The following TTC9C variants were observed in gnomAD, a reference collection of about 807,000 sequenced individuals.
The protein encoded by TTC9C is tetratricopeptide repeat domain 9C.
A neutral mutation model predicts 22.5 loss-of-function variants in TTC9C; 15 were observed. The observed-to-expected ratio is 0.67, with a 90% CI of 0.45 to 1.03. The LOEUF (loss-of-function observed/expected upper bound fraction) is 1.03, where lower values mean the gene tolerates loss of function less well. Ranked by LOEUF, TTC9C falls within the 50% of genes least tolerant of loss-of-function variation. The pLI, the probability that TTC9C is intolerant of heterozygous loss-of-function variation, is 0.00. For synonymous variants in TTC9C, 92 were observed against 86.8 expected, an observed-to-expected ratio of 1.06 and a Z score of -0.33; for missense variants, 244 against 214.6, an observed-to-expected ratio of 1.14 and a Z score of -0.86.
chr11:62,728,926 T>G lies in TTC9C; in HGVS notation c.78T>G (p.Asp26Glu). 1 of 1,614,128 alleles carries G rather than the reference T, an allele frequency of 6.2e-7. No homozygotes were observed. Among genetic ancestry groups the G allele is most frequent in the South Asian group, 1.1e-5 (1 of 91,074 alleles). Residue 26 changes from aspartate (D) to glutamate (E), a missense_variant, in exon 1 of 3, where the codon GAT (aspartate) becomes GAG (glutamate). Physicochemically the swap from Asp to Glu is conservative, Grantham distance 45. Coordinates refer to ENST00000316461, the MANE Select transcript of TTC9C (RefSeq NM_173810.4). Reference protein sequence around the residue: ...NQRYREGKYRDAVSRYHRALL... With the variant: ...NQRYREGKYREAVSRYHRALL... ...GCTACCGGGAAGGGAAGTACCGAGA[T>G]GCTGTGAGTAGGTACCATCGAGCTC...
Position 62,735,383 on chromosome 11 carries a change from T to A in TTC9C, c.240T>A (p.Ala80=). The change falls in exon 2 of 3, where the codon GCT becomes GCA. Residue 80 remains alanine, a splice_region_variant and synonymous_variant. Transcript: ENST00000316461. ...CTCTCTTTTCATTTGGCCCATTAGC[T>A]TGTCTCCTTCAGATGGAGCCCGTGA... ...TQTDCYNNLA[A]CLLQMEPVNY... is the part of the protein sequence containing the mutation. 1 of 1,613,954 alleles carries A rather than the reference T, an allele frequency of 6.2e-7. No individual in the cohort carries two copies. The highest frequency in any genetic ancestry group is 1.1e-5 in the South Asian group (1 of 91,074).
At chr11:62,736,584 C>T (rs1269259551) in intron 2 of TTC9C, among the ~76,000 whole-genome samples, 2 of 151,636 alleles carry the variant, frequency 1.3e-5, no homozygotes, top group Non-Finnish European at 1.5e-5. Context: ...GTCCCAGGTA[C>T]TCAGGAGGCT....
At position 62,732,453 on chromosome 11, in the gene TTC9C, CA is replaced by C. The variant is rs199839108; in HGVS notation, c.239-2922del. Among the ~76,000 whole-genome samples, 66 of 151,746 alleles carry C rather than the reference CA, an allele frequency of 4.3e-4. 1 individual carries two copies. The East Asian group carries it at 0.012, about 28-fold the overall frequency. On this transcript the variant is annotated intron_variant, in intron 1 of 2. Coordinates refer to ENST00000316461, the MANE Select transcript of TTC9C (RefSeq NM_173810.4). ...GAGAAACCCATCTGCACTAAAAATA[CA>C]AAAAAATTAGCCAGGCGTGGTGGTG...
chr11:62,736,555 G>T (rs1447282941), intron 2 of TTC9C, among the ~76,000 whole-genome samples: 5 of 151,810 alleles, frequency 3.3e-5, no homozygotes, highest in Non-Finnish European at 7.4e-5. Context: ...TTAGCCGGAC[G>T]TGGTGGTGAG....
chr11:62,730,492 G>A (rs1203974892), intron 1 of TTC9C, among the ~76,000 whole-genome samples: 1 of 152,216 alleles, frequency 6.6e-6, no homozygotes, highest in Non-Finnish European at 1.5e-5. Context: ...ATCAGATCCT[G>A]TCACTGCCTG....
chr11:62,737,539 C>A (rs2083926062), intron 2 of TTC9C, among the ~76,000 whole-genome samples: 1 of 152,032 alleles, frequency 6.6e-6, no homozygotes, highest in African/African-American at 2.4e-5. Flanking sequence ...AGCAGAGTCA[C>A]CAAATGTATA....
chr11:62,736,347 G>C (rs1305442137), intron 2 of TTC9C: 2 of 151,200 alleles, frequency 1.3e-5, no homozygotes, highest in Non-Finnish European at 2.9e-5. Flanking sequence ...TTCAAGACCA[G>C]CCTGGCCAAC....
Position 62,728,856 on chromosome 11 carries a change from A to C in TTC9C, c.8A>C (p.Lys3Thr). ME[K>T]RLQEAQLYKE... ...GAACCGTGGGCGACAGTTATGGAGA[A>C]GCGTCTGCAGGAGGCTCAGCTGTAC... is the stretch of plus-strand genomic sequence containing the variant. Residue 3 changes from lysine (K) to threonine (T), a missense_variant, in exon 1 of 3, where the codon AAG (lysine) becomes ACG (threonine). Transcript: ENST00000316461. 1.2e-6 allele frequency: 2 copies of C among 1,614,138 alleles called. No homozygotes were observed. The highest frequency in any genetic ancestry group is 4.5e-5 in the East Asian group (2 of 44,882).
intron 1 of TTC9C, among the ~76,000 whole-genome samples, chr11:62,730,168 C>T (rs964711724): frequency 6.6e-5 from 10 of 152,036 alleles, no homozygotes; most frequent in Admixed American, 3.3e-4. Context: ...CTCCTCCTCC[C>T]GGGTTCAGGC....
In TTC9C at chr11:62,738,497, T is replaced by G; in HGVS notation, c.*115T>G. ...CCCTATACCTCTGACCCAGGTGGAT[T>G]TTTGTTTCTAGTTCTGCACAAACTT... On this transcript the variant is annotated 3_prime_UTR_variant, in exon 3 of 3. Transcript: ENST00000316461. The G allele has an allele frequency of 1.5e-6, 1 of 685,406 alleles. No homozygotes were observed. The highest frequency in any genetic ancestry group is 2.8e-5 in the East Asian group (1 of 35,382). 42.5% of individuals were successfully genotyped at this position (685,406 alleles called of 1,614,324 possible). A position where few individuals can be genotyped will look rare whatever the true frequency, so the allele number is the denominator to read the frequency against.
At position 62,737,915 on chromosome 11, in the gene TTC9C, C is replaced by T. The variant is rs1227260047; in HGVS notation, c.422-373C>T. On this transcript the variant is annotated intron_variant, in intron 2 of 2. Coordinates refer to ENST00000316461, the MANE Select transcript of TTC9C (RefSeq NM_173810.4). ...GCATGGTGGTGCATGCCTGTAATCT[C>T]AGCTACTTGGGAGGCTGAGGCATGA... 2.0e-5 allele frequency among the ~76,000 whole-genome samples: 3 copies of T among 152,124 alleles called. No individual in the cohort carries two copies. In the East Asian group the frequency reaches 5.8e-4, roughly 29 times the overall value.
intron 2 of TTC9C, chr11:62,735,825 G>A: frequency 3.3e-6 from 1 of 305,834 alleles, no homozygotes; most frequent in Non-Finnish European, 5.9e-6. Flanking sequence ...TATATATGTT[G>A]GTATGTCTGT....
At chr11:62,735,677 A>G (rs1565172810) in intron 2 of TTC9C, 113 bp downstream of exon 2, 4 of 1,421,430 alleles carry the variant, frequency 2.8e-6, no homozygotes, top group Non-Finnish European at 2.8e-6. Context: ...TAAGTAATAC[A>G]TTCACATGGT....
intron 1 of TTC9C, among the ~76,000 whole-genome samples, chr11:62,730,182 T>G (rs1201997704): frequency 3.9e-5 from 6 of 151,988 alleles, no homozygotes; most frequent in Admixed American, 3.9e-4. Context: ...TTCAGGCGAT[T>G]CTCCTGCCTG....
At chr11:62,728,118 T>C (rs2083784780), upstream of TTC9C, 1 of 154,752 alleles carries the variant, frequency 6.5e-6, no homozygotes, top group Non-Finnish European at 1.4e-5. Context: ...CTCTTCTGAT[T>C]GGGTGGTGTG....
At chr11:62,729,645 G>T (rs1460689563) in intron 1 of TTC9C, among the ~76,000 whole-genome samples, 1 of 146,572 alleles carries the variant, frequency 6.8e-6, no homozygotes, top group Admixed American at 7.0e-5. Flanking sequence ...GCGTGATTTC[G>T]GCTCACCGCA....
chr11:62,728,376 G>A (rs1030012338), upstream of TTC9C: 2 of 372,464 alleles, frequency 5.4e-6, no homozygotes, highest in Non-Finnish European at 1.1e-5. Context: ...GTTGAATAAG[G>A]AAGAAGAGTT....
chr11:62,736,872 T>C (rs1321417633), intron 2 of TTC9C, among the ~76,000 whole-genome samples: 2 of 135,644 alleles, frequency 1.5e-5, no homozygotes, highest in Non-Finnish European at 3.1e-5. Context: ...AAAAAGCGAG[T>C]GTCGTTTTTC....
At chr11:62,730,849 A>T (rs917150176) in intron 1 of TTC9C, among the ~76,000 whole-genome samples, 2 of 145,658 alleles carry the variant, frequency 1.4e-5, no homozygotes. Flanking sequence ...CTGGGATTAC[A>T]GGCTTGAGCC....
Sources: allele counts gnomAD v4.1 joint callset (sites outside exome capture counted in the v4.1 genomes callset), GRCh38; gene constraint gnomAD v4.1.1; transcripts MANE v1.5; gene names NCBI Gene and HGNC (gene_info 2026-07-23, HGNC 2026-07-21).